Variants in GGT7 observed in about 807,000 individuals in gnomAD.
The protein encoded by GGT7 is gamma-glutamyltransferase 7, also known as glutathione hydrolase 7.
In GGT7, 30 loss-of-function variants were observed where a neutral mutation model predicts 69.2. That is an observed-to-expected ratio of 0.43 (90% CI 0.32 to 0.59). GGT7 has a LOEUF of 0.59. Among genes scored for constraint, GGT7 ranks in the 20% least tolerant of loss-of-function variants. The pLI, the probability that GGT7 is intolerant of heterozygous loss-of-function variation, is 0.05. For synonymous variants in GGT7, 388 were observed against 391.8 expected, an observed-to-expected ratio of 0.99 and a Z score of 0.12; for missense variants, 733 against 901.1, an observed-to-expected ratio of 0.81 and a Z score of 2.39.
intron 7 of GGT7, among the ~76,000 whole-genome samples, chr20:34,857,471 C>A (rs2079512551): frequency 6.6e-6 from 1 of 152,172 alleles, no homozygotes; most frequent in Non-Finnish European, 1.5e-5. Context: ...ATGAACCAAT[C>A]TTGTACAAAC....
At chr20:34,855,052 C>T in intron 8 of GGT7, 129 bp from the exon 9 acceptor site, 1 of 841,326 alleles carries the variant, frequency 1.2e-6, no homozygotes, top group Non-Finnish European at 1.8e-6. Flanking sequence ...GATGGGGAAA[C>T]TGAAACATTG....
At position 34,850,172 on chromosome 20, in the gene GGT7, G is replaced by A. The variant is rs543441046; in HGVS notation, c.1726-112C>T. On this transcript the variant is annotated intron_variant, in intron 13 of 14. Transcript: ENST00000336431. ...CTTAGTCTTGAGAATTCTTACACCG[G>A]GTGTCATCTGAGCCTCCTAACAGCC... 3.7e-6 allele frequency: 3 copies of A among 814,666 alleles called. No individual in the cohort carries two copies. In the Admixed American group the frequency reaches 5.1e-5, roughly 14 times the overall value. 50.5% of individuals were successfully genotyped at this position (814,666 alleles called of 1,614,324 possible).
rs1264409094 is a variant in GGT7 at position 34,852,413 on chromosome 20, T to A, written c.1445A>T (p.Asp482Val). 6.2e-7 allele frequency: 1 copy of A among 1,613,954 alleles called. No homozygotes were observed. The highest frequency in any genetic ancestry group is 8.5e-7 in the Non-Finnish European group (1 of 1,180,022). The change falls in exon 11 of 15, where the codon GAT becomes GTT. Residue 482 changes from aspartate to valine, a missense_variant. Transcript: ENST00000336431. ...CCTAACCATGGCCACAATGAAGTCA[T>A]CAGGTCCCATGATCAGCACCTGGGC... ...TAAQVLIMGPDDFIVAMVSSL... is the reference protein window; with the variant it reads ...TAAQVLIMGPVDFIVAMVSSL...
intron 1 of GGT7, among the ~76,000 whole-genome samples, chr20:34,867,122 G>T (rs1417560892): frequency 6.6e-6 from 1 of 151,596 alleles, no homozygotes; most frequent in Non-Finnish European, 1.5e-5. Flanking sequence ...ACAAGGTCTT[G>T]CTATGTTCCC....
chr20:34,860,637 C>CTT lies in GGT7; in HGVS notation c.676-318_676-317dup, dbSNP rs533561120. Among the ~76,000 whole-genome samples the CTT allele has an allele frequency of 6.1e-4, 69 of 113,838 alleles. 1 individual carries two copies. The highest frequency in any genetic ancestry group is 7.5e-4 in the Non-Finnish European group (42 of 56,184). The allele number at this position is 113,838 out of a possible 152,430, so 74.7% of individuals were successfully genotyped here. A position where few individuals can be genotyped will look rare whatever the true frequency, so the allele number is the denominator to read the frequency against. ...TACATTGGATTTCACCAACCCCTGC[C>CTT]TTTTTTTTTTTTTTTTTTTTTTTTT... On this transcript the variant is annotated intron_variant, in intron 4 of 14. Transcript: ENST00000336431.
At chr20:34,866,999 T>C (rs2079701017) in intron 1 of GGT7, among the ~76,000 whole-genome samples, 1 of 152,202 alleles carries the variant, frequency 6.6e-6, no homozygotes, top group Non-Finnish European at 1.5e-5. Flanking sequence ...CTGGAATTCA[T>C]CCAAACAAAC....
chr20:34,845,294 TG>T lies in GGT7; in HGVS notation c.*33del, dbSNP rs554686403. Reference sequence around the variant, plus strand: ...GGAGGGACTCTGGGAACATGCAAAGTGGGGGAGCAGAGACCCCGCCCCACCC... The same window carrying T: ...GGAGGGACTCTGGGAACATGCAAAGTGGGGAGCAGAGACCCCGCCCCACCC... On this transcript the variant is annotated 3_prime_UTR_variant, in exon 15 of 15. Transcript: ENST00000336431. The T allele has an allele frequency of 7.2e-5, 114 of 1,584,744 alleles. 3 individuals carry two copies. The South Asian group carries it at 1.2e-3, about 17-fold the overall frequency.
At chr20:34,849,882 A>AG in intron 14 of GGT7, 79 bp downstream of exon 14, 1 of 772,164 alleles carries the variant, frequency 1.3e-6, no homozygotes, top group Non-Finnish European at 2.1e-6. Flanking sequence ...GTGCTGGTTG[A>AG]GGCATGGGCA....
intron 1 of GGT7, among the ~76,000 whole-genome samples, chr20:34,864,779 T>A (rs2079661667): frequency 1.3e-5 from 2 of 151,718 alleles, no homozygotes; most frequent in Admixed American, 6.6e-5. Flanking sequence ...GGGAGAAGCT[T>A]GGGTTTTACC....
At chr20:34,860,147 A>C (rs2079565810) in intron 5 of GGT7, 105 bp from the exon 6 acceptor site, 2 of 1,017,684 alleles carry the variant, frequency 2.0e-6, no homozygotes, top group African/African-American at 1.6e-5. Flanking sequence ...AGGGAAGGGG[A>C]TATTAGGAGG....
chr20:34,860,383 C>T, intron 4 of GGT7, 62 bp from the exon 5 acceptor site: 1 of 1,257,072 alleles, frequency 8.0e-7, no homozygotes. Context: ...GGGTGCTGGG[C>T]TGAACTCCGC....
chr20:34,852,943 T>C (rs1158874804), intron 10 of GGT7, among the ~76,000 whole-genome samples: 2 of 140,160 alleles, frequency 1.4e-5, no homozygotes, highest in South Asian at 2.4e-4. Flanking sequence ...ATTTTGTATA[T>C]GAGGATTTTT....
intron 10 of GGT7, among the ~76,000 whole-genome samples, chr20:34,853,340 G>GGTGTGTGTGTGTGTGTGTGT (rs10527077): frequency 6.8e-6 from 1 of 147,326 alleles, no homozygotes; most frequent in African/African-American, 2.5e-5. Flanking sequence ...ATTTCATATA[G>GGTGTGTGTGTGTGTGTGTGT]GTGTGTGTGT....
chr20:34,847,664 G>A (rs1023472526), intron 14 of GGT7, among the ~76,000 whole-genome samples: 1 of 152,102 alleles, frequency 6.6e-6, no homozygotes, highest in Admixed American at 6.5e-5. Flanking sequence ...AGCCTTCCAT[G>A]GGCAACAATA....
In GGT7 at chr20:34,852,546, G is replaced by C; in HGVS notation, c.1320-8C>G. The C allele has an allele frequency of 6.4e-7, 1 of 1,569,598 alleles. No homozygotes were observed. The highest frequency in any genetic ancestry group is 8.6e-7 in the Non-Finnish European group (1 of 1,159,302). On this transcript the variant is annotated splice_polypyrimidine_tract_variant and splice_region_variant and intron_variant, in intron 10 of 14. Transcript: ENST00000336431. ...TAGGCGGCCTCCACCTTGCTGAAAA[G>C]ACAAGGGGTGGGAGATGAGCAAACA...
At chr20:34,847,581 T>G (rs1437698381) in intron 14 of GGT7, among the ~76,000 whole-genome samples, 2 of 152,246 alleles carry the variant, frequency 1.3e-5, no homozygotes, top group Non-Finnish European at 2.9e-5. Flanking sequence ...CTTTTGATTA[T>G]GGCAAGGAAC....
intron 8 of GGT7, 65 bp downstream of exon 8, chr20:34,856,741 C>T (rs371079081): frequency 2.7e-5 from 24 of 901,580 alleles, no homozygotes; most frequent in South Asian, 1.2e-4. Flanking sequence ...TAGGCCAAAA[C>T]GATGTGGCCA....
intron 1 of GGT7, among the ~76,000 whole-genome samples, chr20:34,866,037 G>A (rs1448597251): frequency 2.0e-5 from 3 of 152,050 alleles, no homozygotes; most frequent in Non-Finnish European, 2.9e-5. Context: ...TTTAAAATAC[G>A]TGGTTCACTG....
At position 34,863,630 on chromosome 20, in the gene GGT7, C is replaced by T; in HGVS notation, c.170-82G>A. Reference sequence around the variant, plus strand: ...TCCAGGTGGGACTATTCAGCGCTTTCCCTGCCCCGCCCCTGCCACACAATC... The same window carrying T: ...TCCAGGTGGGACTATTCAGCGCTTTTCCTGCCCCGCCCCTGCCACACAATC... On this transcript the variant is annotated intron_variant, in intron 1 of 14. Transcript: ENST00000336431. This position sits in a 1 kb window ranked among gnomAD's most constrained non-coding sequence, Gnocchi z 4.4. The T allele has an allele frequency of 3.4e-6, 3 of 881,422 alleles. No individual in the cohort carries two copies. Among genetic ancestry groups the T allele is most frequent in the South Asian group, 2.8e-5 (2 of 70,264 alleles). 54.6% of individuals were successfully genotyped at this position (881,422 alleles called of 1,614,324 possible). A position where few individuals can be genotyped will look rare whatever the true frequency, so the allele number is the denominator to read the frequency against.
Sources: gnomAD v4.1 joint callset for allele counts (sites outside exome capture counted in the v4.1 genomes callset) on GRCh38, gnomAD v4.1.1 for gene constraint, Gnocchi (gnomAD v3.1) non-coding constraint, MANE v1.5 for transcripts, NCBI Gene and HGNC (gene_info 2026-07-23, HGNC 2026-07-21) for gene names.